LRBA: variants seen among roughly 807,000 people sequenced by gnomAD.
LRBA encodes lipopolysaccharide-responsive and beige-like anchor protein.
In LRBA, 176 loss-of-function variants were observed where a neutral mutation model predicts 330.0. The ratio of observed to expected loss-of-function variants is 0.53; its 90% confidence interval spans 0.47 to 0.60. The LOEUF (loss-of-function observed/expected upper bound fraction) is 0.60. Ranked by LOEUF, LRBA falls within the 20% of genes least tolerant of loss-of-function variation. The probability of loss-of-function intolerance (pLI) is 0.00; values close to 1 mark genes in which losing one functional copy is unlikely to be tolerated. For synonymous variants in LRBA, 1,230 were observed against 1,193.0 expected, an observed-to-expected ratio of 1.03 and a Z score of -0.64; for missense variants, 3,259 against 3,444.8, an observed-to-expected ratio of 0.95 and a Z score of 1.35.
intron 40 of LRBA, among the ~76,000 whole-genome samples, chr4:150,552,193 C>G (rs1321469237): frequency 2.0e-5 from 3 of 152,160 alleles, no homozygotes; most frequent in Non-Finnish European, 4.4e-5. Flanking sequence ...GACAGGGAAA[C>G]TGGGTAGGGA....
intron 48 of LRBA, among the ~76,000 whole-genome samples, chr4:150,346,742 T>A: frequency 9.3e-6 from 1 of 107,038 alleles, no homozygotes; most frequent in Non-Finnish European, 1.7e-5. Flanking sequence ...CTGGCAACAA[T>A]GTGAGACTCT....
intron 36 of LRBA, among the ~76,000 whole-genome samples, chr4:150,712,938 T>G (rs1469685876): frequency 6.6e-6 from 1 of 152,070 alleles, no homozygotes; most frequent in Non-Finnish European, 1.5e-5. Context: ...TTTGGTTTTT[T>G]GGATTTTGTG....
chr4:150,374,933 GA>G (rs1396419741), intron 47 of LRBA, among the ~76,000 whole-genome samples: 12 of 152,302 alleles, frequency 7.9e-5, no homozygotes, highest in African/African-American at 2.9e-4. Context: ...GTCCTAGCAG[GA>G]AACAGAAGAC....
chr4:150,306,353 G>C (rs75329541), intron 52 of LRBA, among the ~76,000 whole-genome samples: 4,269 of 151,476 alleles, frequency 0.028, 213 homozygotes, highest in African/African-American at 0.096. Flanking sequence ...ATATATTACT[G>C]ATCATATGAT....
chr4:150,759,591 T>G (rs933191128), intron 35 of LRBA, among the ~76,000 whole-genome samples: 2 of 152,166 alleles, frequency 1.3e-5, no homozygotes, highest in Admixed American at 6.5e-5. Context: ...CTTTTTTACT[T>G]CCTTCAAAAA....
intron 47 of LRBA, among the ~76,000 whole-genome samples, chr4:150,364,606 C>A (rs555491633): frequency 6.6e-6 from 1 of 152,280 alleles, no homozygotes; most frequent in African/African-American, 2.4e-5. Context: ...ATACTAGTAA[C>A]AAGTATTGCT....
chr4:150,964,111 C>A (rs1738580218), intron 2 of LRBA, among the ~76,000 whole-genome samples: 1 of 149,052 alleles, frequency 6.7e-6, no homozygotes, highest in South Asian at 2.1e-4. Flanking sequence ...CCGGCAGCCG[C>A]CCCGTCCAGG....
At chr4:150,603,077 G>A (rs78730664) in intron 37 of LRBA, among the ~76,000 whole-genome samples, 4,036 of 152,170 alleles carry the variant, frequency 0.027, 164 homozygotes, top group African/African-American at 0.092. Flanking sequence ...AATCTTCAAA[G>A]TAAAGAGGTT....
chr4:150,589,060 CACACACACACACAG>C (rs949749181), intron 39 of LRBA, among the ~76,000 whole-genome samples: 5 of 151,198 alleles, frequency 3.3e-5, no homozygotes, highest in Non-Finnish European at 7.4e-5. Context: ...CACACACACA[CACACACACACACAG>C]AGAGAGAGAG....
At chr4:150,370,620 A>C (rs771767980) in intron 47 of LRBA, among the ~76,000 whole-genome samples, 27 of 152,350 alleles carry the variant, frequency 1.8e-4, no homozygotes, top group Admixed American at 5.9e-4. Context: ...CAAAACCTAC[A>C]GGAAGTCTAA....
intron 49 of LRBA, among the ~76,000 whole-genome samples, chr4:150,324,667 T>C (rs1300880303): frequency 6.6e-6 from 1 of 152,092 alleles, no homozygotes; most frequent in Non-Finnish European, 1.5e-5. Context: ...TCTTACTTTC[T>C]TCACTGCTAC....
chr4:150,848,718 T>C lies in LRBA; in HGVS notation c.4339+100A>G, dbSNP rs911894639. On this transcript the variant is annotated intron_variant, in intron 26 of 56. Coordinates refer to ENST00000651943, the MANE Select transcript of LRBA (RefSeq NM_001364905.1). ...TAACCATATGACAAATTAGCTAACA[T>C]ATATTTTCTCACCAACAGAAGACGG... 3.3e-6 allele frequency: 3 copies of C among 919,216 alleles called. No homozygotes were observed. In the African/African-American group the frequency reaches 5.0e-5, roughly 15 times the overall value. The allele number at this position is 919,216 out of a possible 1,614,324, so 56.9% of individuals were successfully genotyped here. A position where few individuals can be genotyped will look rare whatever the true frequency, so the allele number is the denominator to read the frequency against.
intron 44 of LRBA, among the ~76,000 whole-genome samples, chr4:150,451,829 G>A (rs1185325096): frequency 6.6e-6 from 1 of 152,026 alleles, no homozygotes. Context: ...CAACTTAGAT[G>A]AAATAAACAA....
chr4:150,980,156 A>C (rs1310427383), intron 2 of LRBA, among the ~76,000 whole-genome samples: 1 of 152,210 alleles, frequency 6.6e-6, no homozygotes, highest in Non-Finnish European at 1.5e-5. Context: ...CCAGGGATGC[A>C]AAGATGGTTC....
chr4:150,719,945 T>C (rs1192015964), intron 36 of LRBA, among the ~76,000 whole-genome samples: 1 of 152,128 alleles, frequency 6.6e-6, no homozygotes, highest in Non-Finnish European at 1.5e-5. Flanking sequence ...TAGAATGAAC[T>C]TGGTAGAAAA....
intron 40 of LRBA, among the ~76,000 whole-genome samples, chr4:150,559,644 A>AAT (rs1216296087): frequency 3.5e-5 from 2 of 56,404 alleles, no homozygotes; most frequent in Non-Finnish European, 6.4e-5. Context: ...ATATTTATAT[A>AAT]ATATAATATA....
intron 40 of LRBA, among the ~76,000 whole-genome samples, chr4:150,497,595 T>C (rs12507785): frequency 0.14 from 22,041 of 152,198 alleles, 1,639 homozygotes; most frequent in Middle Eastern, 0.18. Flanking sequence ...ATAGTATTCA[T>C]AGCATTTCAT....
intron 20 of LRBA, among the ~76,000 whole-genome samples, chr4:150,869,120 C>T (rs1006083408): frequency 3.3e-5 from 5 of 151,906 alleles, no homozygotes; most frequent in African/African-American, 9.7e-5. Context: ...AGCGTTTCTC[C>T]GTCTTGGTCA....
intron 34 of LRBA, among the ~76,000 whole-genome samples, chr4:150,791,145 C>A (rs543433943): frequency 3.0e-4 from 45 of 152,284 alleles, no homozygotes; most frequent in African/African-American, 1.0e-3. Context: ...GAGACTGGGT[C>A]TGCTCATGTT....
Sources: allele counts gnomAD v4.1 joint callset (sites outside exome capture counted in the v4.1 genomes callset), GRCh38; gene constraint gnomAD v4.1.1; transcripts MANE v1.5; gene names NCBI Gene and HGNC (gene_info 2026-07-23, HGNC 2026-07-21).